Variants in KCNIP4 observed in about 807,000 individuals in gnomAD.
The protein encoded by KCNIP4 is potassium voltage-gated channel interacting protein 4, also known as Kv channel-interacting protein 4.
KCNIP4 carries 12 observed loss-of-function variants against 34.0 expected under a neutral mutation model. The observed-to-expected ratio is 0.35, with a 90% CI of 0.23 to 0.57. KCNIP4 has a LOEUF of 0.57. Among genes scored for constraint, KCNIP4 ranks in the 20% least tolerant of loss-of-function variants. The pLI, the probability that KCNIP4 is intolerant of heterozygous loss-of-function variation, is 0.83. For missense variants in KCNIP4, 238 were observed against 311.7 expected (o/e 0.76, Z 1.78); for synonymous variants, 124 against 102.2 (o/e 1.21, Z -1.29).
intron 1 of KCNIP4, among the ~76,000 whole-genome samples, chr4:21,413,942 GCTT>G (rs1223205408): frequency 2.0e-5 from 3 of 152,154 alleles, no homozygotes; most frequent in African/African-American, 7.2e-5. Context: ...ATTACTTACA[GCTT>G]CTGCAGAATA....
chr4:21,375,376 C>T (rs571927545), intron 1 of KCNIP4, among the ~76,000 whole-genome samples: 2 of 152,116 alleles, frequency 1.3e-5, no homozygotes, highest in East Asian at 3.9e-4. Flanking sequence ...TTGACTTGGG[C>T]CATTTACTTG....
chr4:20,786,360 G>T (rs534793228), intron 3 of KCNIP4, among the ~76,000 whole-genome samples: 1 of 152,198 alleles, frequency 6.6e-6, no homozygotes, highest in Admixed American at 6.5e-5. Context: ...TCAGTGTCTA[G>T]GTGTTGGGAT....
chr4:21,643,669 C>T (rs377707716), intron 1 of KCNIP4, among the ~76,000 whole-genome samples: 1 of 152,056 alleles, frequency 6.6e-6, no homozygotes, highest in African/African-American at 2.4e-5. Context: ...CAGTTGAAGA[C>T]CTTAGTAGAA....
At chr4:21,148,769 C>T (rs190215841) in intron 1 of KCNIP4, among the ~76,000 whole-genome samples, 98 of 151,632 alleles carry the variant, frequency 6.5e-4, no homozygotes, top group Non-Finnish European at 1.1e-3. Context: ...TTTATCCCTA[C>T]TGAAAAGGAC....
chr4:20,947,834 C>A (rs945571901), intron 1 of KCNIP4, among the ~76,000 whole-genome samples: 6 of 152,180 alleles, frequency 3.9e-5, no homozygotes, highest in Non-Finnish European at 7.3e-5. Flanking sequence ...TCATTTACAT[C>A]CCTACATGCA....
intron 1 of KCNIP4, among the ~76,000 whole-genome samples, chr4:21,753,758 T>C (rs909754044): frequency 3.3e-5 from 5 of 152,162 alleles, no homozygotes; most frequent in Non-Finnish European, 5.9e-5. Context: ...AAGAAAACTT[T>C]TTATTGAAGC....
At chr4:21,169,663 T>C (rs7682871) in intron 1 of KCNIP4, among the ~76,000 whole-genome samples, 16,256 of 47,908 alleles carry the variant, frequency 0.34, 1,276 homozygotes, top group African/African-American at 0.49. Flanking sequence ...TTTATATTTG[T>C]GTGTGTGTGT....
chr4:20,972,545 G>C (rs918565962), intron 1 of KCNIP4, among the ~76,000 whole-genome samples: 1 of 152,104 alleles, frequency 6.6e-6, no homozygotes, highest in African/African-American at 2.4e-5. Context: ...AGGTCTCAAG[G>C]GTGGGTTTAA....
At chr4:21,784,643 T>C (rs773545740) in intron 1 of KCNIP4, among the ~76,000 whole-genome samples, 16 of 152,150 alleles carry the variant, frequency 1.1e-4, no homozygotes, top group African/African-American at 3.9e-4. Context: ...AAAGGTGTTA[T>C]CATGAAGCCA....
intron 1 of KCNIP4, among the ~76,000 whole-genome samples, chr4:21,810,879 T>C (rs779175272): frequency 1.1e-4 from 16 of 152,284 alleles, no homozygotes; most frequent in African/African-American, 3.6e-4. Flanking sequence ...AGTAACAGTC[T>C]GAATGAGGTA....
At chr4:21,618,733 C>T (rs748726074) in intron 1 of KCNIP4, among the ~76,000 whole-genome samples, 2 of 148,800 alleles carry the variant, frequency 1.3e-5, no homozygotes, top group South Asian at 2.1e-4. Context: ...CCCGGGTGCA[C>T]GCCATTCTCC....
chr4:20,856,662 C>A (rs1308028802), intron 2 of KCNIP4, among the ~76,000 whole-genome samples: 1 of 152,152 alleles, frequency 6.6e-6, no homozygotes, highest in Non-Finnish European at 1.5e-5. Context: ...TCTCCAATCC[C>A]TTGAATATTT....
chr4:21,496,714 G>A (rs546835320), intron 1 of KCNIP4, among the ~76,000 whole-genome samples: 134 of 152,320 alleles, frequency 8.8e-4, no homozygotes, highest in African/African-American at 3.2e-3. Flanking sequence ...AGCGACTGGT[G>A]AGCAGGCATT....
At chr4:21,410,634 C>G (rs1381734702) in intron 1 of KCNIP4, among the ~76,000 whole-genome samples, 1 of 152,162 alleles carries the variant, frequency 6.6e-6, no homozygotes, top group African/African-American at 2.4e-5. Flanking sequence ...TGGACCAACA[C>G]CTTGACTGCA....
At chr4:21,331,992 G>A (rs1715686369) in intron 1 of KCNIP4, among the ~76,000 whole-genome samples, 1 of 152,006 alleles carries the variant, frequency 6.6e-6, no homozygotes, top group African/African-American at 2.4e-5. Context: ...GATAATAAGA[G>A]CATCTATGTG....
chr4:20,817,012 T>C (rs1363764801), intron 3 of KCNIP4, among the ~76,000 whole-genome samples: 1 of 152,150 alleles, frequency 6.6e-6, no homozygotes, highest in Non-Finnish European at 1.5e-5. Flanking sequence ...GGGAGTTTAA[T>C]GGAGAAGGAA....
At chr4:21,099,352 T>G (rs1002202592) in intron 1 of KCNIP4, among the ~76,000 whole-genome samples, 2 of 152,154 alleles carry the variant, frequency 1.3e-5, no homozygotes, top group Admixed American at 6.5e-5. Context: ...CTCAGCAAAC[T>G]AATGCAGGAA....
At chr4:20,900,470 A>G (rs1172063082) in intron 1 of KCNIP4, among the ~76,000 whole-genome samples, 1 of 152,226 alleles carries the variant, frequency 6.6e-6, no homozygotes, top group Admixed American at 6.5e-5. Flanking sequence ...TATCTGTTTA[A>G]TGAATGCATC....
intron 1 of KCNIP4, among the ~76,000 whole-genome samples, chr4:21,223,937 C>A (rs1758169866): frequency 6.6e-6 from 1 of 152,104 alleles, no homozygotes; most frequent in African/African-American, 2.4e-5. Flanking sequence ...TCACGGTTGA[C>A]CCTATACCAG....
Sources: allele counts gnomAD v4.1 joint callset (sites outside exome capture counted in the v4.1 genomes callset), GRCh38; gene constraint gnomAD v4.1.1; transcripts MANE v1.5; gene names NCBI Gene and HGNC (gene_info 2026-07-23, HGNC 2026-07-21).